NAALADL2: variants seen among roughly 807,000 people sequenced by gnomAD.
The protein encoded by NAALADL2 is N-acetylated alpha-linked acidic dipeptidase like 2.
In NAALADL2, 76 loss-of-function variants were observed where a neutral mutation model predicts 87.2. The ratio of observed to expected loss-of-function variants is 0.87; its 90% CI spans 0.72 to 1.05. The LOEUF (loss-of-function observed/expected upper bound fraction) is 1.05, where lower values mean the gene tolerates loss of function less well. Ranked by LOEUF, NAALADL2 falls within the 50% of genes least tolerant of loss-of-function variation. NAALADL2 has a pLI of 0.00. For missense variants in NAALADL2, 1,089 were observed against 945.8 expected (o/e 1.15, Z -1.99); for synonymous variants, 354 against 331.0 (o/e 1.07, Z -0.75).
At chr3:174,511,719 T>C (rs1447355875) in intron 1 of NAALADL2, among the ~76,000 whole-genome samples, 2 of 151,988 alleles carry the variant, frequency 1.3e-5, no homozygotes, top group East Asian at 3.8e-4. Context: ...CTGTTTTTTT[T>C]TCTTGTTACT....
At chr3:175,684,154 T>C (rs952522621) in intron 11 of NAALADL2, among the ~76,000 whole-genome samples, 1 of 143,356 alleles carries the variant, frequency 7.0e-6, no homozygotes, top group Admixed American at 7.0e-5. Context: ...GCAATCACTT[T>C]AAAAAAAAAA....
chr3:174,562,753 A>C (rs1025008064), intron 2 of NAALADL2, among the ~76,000 whole-genome samples: 1 of 151,884 alleles, frequency 6.6e-6, no homozygotes, highest in African/African-American at 2.4e-5. Context: ...TGTGATGCCA[A>C]ACAAAATCAT....
rs886526031 is a variant in NAALADL2, at chr3:174,491,616, A to C, written c.-184+50584A>C. 4.6e-5 allele frequency among the ~76,000 whole-genome samples: 7 copies of C among 152,316 alleles called. No individual in the cohort carries two copies. The East Asian group carries it at 1.2e-3, about 25-fold the overall frequency. On this transcript the variant is annotated intron_variant, in intron 1 of 3. Transcript: ENST00000434257. The stretch of plus-strand genomic sequence containing the variant: ...AGTCTCAGCTGGTAATTTAAAATGG[A>C]TGAGCCATCAAAGGAATTCGTTATG...
intron 2 of NAALADL2, among the ~76,000 whole-genome samples, chr3:174,631,623 T>C (rs961017453): frequency 6.6e-6 from 1 of 152,134 alleles, no homozygotes; most frequent in African/African-American, 2.4e-5. Context: ...ACAAGAAATA[T>C]AGAAAAACAT....
At chr3:175,238,092 T>C (rs1460332230) in intron 3 of NAALADL2, among the ~76,000 whole-genome samples, 1 of 152,120 alleles carries the variant, frequency 6.6e-6, no homozygotes, top group African/African-American at 2.4e-5. Context: ...TGTAACCATA[T>C]CTCTGAGAGT....
At chr3:174,458,654 G>T (rs572440167) in intron 1 of NAALADL2, 9 of 152,180 alleles carry the variant, frequency 5.9e-5, no homozygotes, top group Admixed American at 2.0e-4. Context: ...GTTACTCACA[G>T]AATTTTCTTG....
intron 2 of NAALADL2, among the ~76,000 whole-genome samples, chr3:174,615,228 G>T (rs1204852947): frequency 1.3e-4 from 20 of 152,144 alleles, no homozygotes; most frequent in Admixed American, 1.3e-3. Flanking sequence ...AGATTGACAT[G>T]TTTATCCTTA....
At chr3:174,795,950 G>T (rs1269113253) in intron 3 of NAALADL2, among the ~76,000 whole-genome samples, 6 of 152,084 alleles carry the variant, frequency 3.9e-5, no homozygotes, top group Admixed American at 2.6e-4. Context: ...GAAATGCATT[G>T]TTTCCCCAAA....
At chr3:174,586,478 A>G (rs1716736458) in intron 2 of NAALADL2, among the ~76,000 whole-genome samples, 1 of 152,198 alleles carries the variant, frequency 6.6e-6, no homozygotes, top group Non-Finnish European at 1.5e-5. Context: ...ACCCAGAACC[A>G]GCGACGAGAC....
chr3:175,453,599 G>A (rs1438184745), intron 6 of NAALADL2, among the ~76,000 whole-genome samples: 2 of 152,072 alleles, frequency 1.3e-5, no homozygotes, highest in East Asian at 1.9e-4. Flanking sequence ...ATATTCTTCC[G>A]AGAATATCAT....
intron 1 of NAALADL2, among the ~76,000 whole-genome samples, chr3:174,460,537 A>G (rs1486511819): frequency 6.6e-6 from 1 of 152,024 alleles, no homozygotes; most frequent in Non-Finnish European, 1.5e-5. Flanking sequence ...AAACACCTAT[A>G]ATTTACTACC....
chr3:174,860,505 T>C (rs145587408), intron 1 of NAALADL2, among the ~76,000 whole-genome samples: 2,534 of 152,244 alleles, frequency 0.017, 68 homozygotes, highest in African/African-American at 0.058. Context: ...GGACAAATGG[T>C]ATTATGTACA....
At position 174,952,325 on chromosome 3, in the gene NAALADL2, G is replaced by A. The variant is rs150796027; in HGVS notation, c.43+92875G>A. ...CACAGATGAATCTCTGTTCCCCTTCGTGACTCTTTTAACATTAAGCATTCT... is the reference window on the plus strand; with the variant it reads ...CACAGATGAATCTCTGTTCCCCTTCATGACTCTTTTAACATTAAGCATTCT... On this transcript the variant is annotated intron_variant, in intron 1 of 13. Transcript: ENST00000454872. 9.0e-3 allele frequency among the ~76,000 whole-genome samples: 1,373 copies of A among 152,094 alleles called. 6 individuals are homozygous for A. Among genetic ancestry groups the A allele is most frequent in the Non-Finnish European group, 0.011 (731 of 67,976 alleles).
At chr3:174,804,962 G>A (rs1719291729) in intron 3 of NAALADL2, among the ~76,000 whole-genome samples, 1 of 152,136 alleles carries the variant, frequency 6.6e-6, no homozygotes, top group Non-Finnish European at 1.5e-5. Context: ...ATTTTGGCAA[G>A]TAGTTCAGCA....
At chr3:175,212,335 G>GT (rs1487041718) in intron 2 of NAALADL2, among the ~76,000 whole-genome samples, 4 of 147,534 alleles carry the variant, frequency 2.7e-5, no homozygotes, top group African/African-American at 1.0e-4. Flanking sequence ...TCATAGTAAG[G>GT]TAAAAAAAAA....
chr3:175,599,560 C>T (rs1437339640), intron 10 of NAALADL2, among the ~76,000 whole-genome samples: 2 of 152,082 alleles, frequency 1.3e-5, no homozygotes, highest in Admixed American at 1.3e-4. Context: ...AGCCAAGTCC[C>T]CCAAGTTCTT....
rs373808046 is a variant in NAALADL2, at chr3:174,692,610, A to G, written c.-114-45031A>G. On this transcript the variant is annotated intron_variant, in intron 2 of 3. Transcript: ENST00000434257. ...TTTGGCTTAGGGCCACTATGGATAT[A>G]TTTCTGAGATACTAAGGGTACCACC... 8.7e-4 allele frequency among the ~76,000 whole-genome samples: 133 copies of G among 152,200 alleles called. 1 individual carries two copies. The highest frequency in any genetic ancestry group is 3.2e-3 in the African/African-American group (132 of 41,552).
chr3:174,609,053 A>C (rs2108633215), intron 2 of NAALADL2, among the ~76,000 whole-genome samples: 1 of 151,996 alleles, frequency 6.6e-6, no homozygotes, highest in South Asian at 2.1e-4. Flanking sequence ...ACAGAACCAA[A>C]GACAAAAACC....
chr3:174,894,594 C>CAAAAAAAAAAAAAAA (rs869161862), intron 1 of NAALADL2, among the ~76,000 whole-genome samples: 5 of 48,476 alleles, frequency 1.0e-4, no homozygotes, highest in East Asian at 5.2e-4. Flanking sequence ...AACTCCGTCT[C>CAAAAAAAAAAAAAAA]AAAAAAAAAA....
Sources: gnomAD v4.1 joint callset for allele counts (sites outside exome capture counted in the v4.1 genomes callset) on GRCh38, gnomAD v4.1.1 for gene constraint, MANE v1.5 for transcripts, NCBI Gene and HGNC (gene_info 2026-07-23, HGNC 2026-07-21) for gene names.